The following TET2 variants were observed in gnomAD, a reference collection of about 807,000 sequenced individuals.
TET2 encodes tet methylcytosine dioxygenase 2.
TET2 carries 299 observed loss-of-function variants against 142.9 expected under a neutral mutation model. That is an observed-to-expected ratio of 2.09 (90% CI 1.90 to 2.30). TET2 has a LOEUF of 2.30. TET2 is among the 30% of genes most tolerant of loss of function. TET2 has a pLI of 0.00. For synonymous variants in TET2, 819 were observed against 849.0 expected (o/e 0.96, Z 0.61); for missense variants, 2,418 against 2,378.0 (o/e 1.02, Z -0.35).
chr4:105,152,929 T>C (rs1433442002), intron 1 of TET2, among the ~76,000 whole-genome samples: 1 of 152,096 alleles, frequency 6.6e-6, no homozygotes, highest in Non-Finnish European at 1.5e-5. Flanking sequence ...AGAAAAATAG[T>C]GTTAAGTGTC....
rs1204136165 is a variant in TET2 at position 105,275,897 on chromosome 4, G to C, written c.5387G>C (p.Gly1796Ala). 6.4e-7 allele frequency: 1 copy of C among 1,551,982 alleles called. No homozygotes were observed. The highest frequency in any genetic ancestry group is 1.2e-5 in the South Asian group (1 of 84,060). ...ENDMLSHTAN[G>A]LSKMLPALNH... Reference sequence around the variant, plus strand: ...GACATGCTTTCCCACACAGCTAATGGGTTATCAAAGATGCTTCCAGCTCTT... The same window carrying C: ...GACATGCTTTCCCACACAGCTAATGCGTTATCAAAGATGCTTCCAGCTCTT... Residue 1796 changes from glycine to alanine, a missense_variant, in exon 11 of 11, where the codon GGG (glycine) becomes GCG (alanine). Physicochemically the swap from Gly to Ala is moderately conservative, Grantham distance 60. Coordinates refer to ENST00000380013, the MANE Select transcript of TET2 (RefSeq NM_001127208.3).
At chr4:105,163,377 T>G (rs952853089) in intron 1 of TET2, among the ~76,000 whole-genome samples, 1 of 152,162 alleles carries the variant, frequency 6.6e-6, no homozygotes. Flanking sequence ...CATAGAATCA[T>G]GGATTGCTAC....
intron 6 of TET2, among the ~76,000 whole-genome samples, chr4:105,253,624 T>G (rs1377581400): frequency 1.3e-5 from 2 of 152,042 alleles, no homozygotes; most frequent in Non-Finnish European, 2.9e-5. Context: ...TTCTAATCTG[T>G]ATACCTTTTA....
chr4:105,253,996 G>C (rs1729999370), intron 6 of TET2, among the ~76,000 whole-genome samples: 1 of 152,066 alleles, frequency 6.6e-6, no homozygotes, highest in Non-Finnish European at 1.5e-5. Context: ...TTTTGAACTA[G>C]ACTGGCATAC....
At chr4:105,163,854 A>AGAGAGAGAGAGAGAGTGTGT (rs1553942671) in intron 1 of TET2, among the ~76,000 whole-genome samples, 49 of 85,216 alleles carry the variant, frequency 5.8e-4, no homozygotes, top group Non-Finnish European at 9.9e-4. Flanking sequence ...AGAGAGAGAG[A>AGAGAGAGAGAGAGAGTGTGT]GTGTGTGTGT....
At chr4:105,163,806 CGAGAGAGAGAGAGAGAGAGA>C (rs59658275) in intron 1 of TET2, among the ~76,000 whole-genome samples, 3,139 of 79,824 alleles carry the variant, frequency 0.039, 98 homozygotes, top group Middle Eastern at 0.12. Flanking sequence ...TCGAAAGTTT[CGAGAGAGAGAGAGAGAGAGA>C]GAGAGAGAGA....
intron 5 of TET2, 117 bp from the exon 6 acceptor site, chr4:105,243,453 T>C (rs1033962474): frequency 1.1e-6 from 1 of 931,062 alleles, no homozygotes; most frequent in Non-Finnish European, 1.7e-6. Context: ...GTTGCCCTAA[T>C]TGTGATCTAA....
chr4:105,212,287 G>T (rs1014144174), intron 2 of TET2, among the ~76,000 whole-genome samples: 7 of 152,154 alleles, frequency 4.6e-5, no homozygotes, highest in Admixed American at 6.6e-5. Flanking sequence ...GATCTATAAA[G>T]ATTACTCAGT....
chr4:105,234,686 C>A lies in TET2; in HGVS notation c.744C>A (p.His248Gln), dbSNP rs377035231. The change falls in exon 3 of 11, where the codon CAC becomes CAA. Residue 248 changes from histidine (H) to glutamine (Q), a missense_variant. Coordinates refer to ENST00000380013, the MANE Select transcript of TET2 (RefSeq NM_001127208.3). ...VSIAVQKTTS[H>Q]INAINSQATN... ...TTGCGGTGCAGAAAACCACATCTCA[C>A]ATAAATGCCATTAACAGTCAGGCTA... is the stretch of plus-strand genomic sequence containing the variant. 303 of 1,613,978 alleles carry A rather than the reference C, an allele frequency of 1.9e-4. No homozygotes were observed. Among genetic ancestry groups the A allele is most frequent in the Non-Finnish European group, 2.5e-4 (291 of 1,180,022 alleles).
At position 105,228,149 on chromosome 4, in the gene TET2, A is replaced by G. The variant is rs541979776; in HGVS notation, c.-46-5748A>G. ...TGGATCATAATATTCCAGGGTATGT[A>G]TATAAAAAGTGTGATTTAGCACATA... On this transcript the variant is annotated intron_variant, in intron 2 of 10. Coordinates refer to ENST00000380013, the MANE Select transcript of TET2 (RefSeq NM_001127208.3). Among the ~76,000 whole-genome samples the G allele has an allele frequency of 3.9e-5, 6 of 152,266 alleles. No homozygotes were observed. The South Asian group carries it at 1.0e-3, about 26-fold the overall frequency.
chr4:105,176,807 A>G (rs1029127724), intron 1 of TET2, among the ~76,000 whole-genome samples: 1 of 152,186 alleles, frequency 6.6e-6, no homozygotes, highest in African/African-American at 2.4e-5. Flanking sequence ...AGAATAGCCA[A>G]CTCAGTATTT....
At chr4:105,241,743 C>T in intron 4 of TET2, 1 of 1,253,512 alleles carries the variant, frequency 8.0e-7, no homozygotes, top group Non-Finnish European at 1.0e-6. Context: ...AACGAGAGGT[C>T]CCACTCTGGC....
chr4:105,275,785 C>T lies in TET2; in HGVS notation c.5275C>T (p.Pro1759Ser), dbSNP rs778153146. ...MDYKNGEHHS[P>S]SHIIHNYSAA... Reference sequence around the variant, plus strand: ...CTATAAAAATGGTGAACATCATTCACCTTCTCACATAATCCATAACTACAG... The same window carrying T: ...CTATAAAAATGGTGAACATCATTCATCTTCTCACATAATCCATAACTACAG... The change falls in exon 11 of 11, where the codon CCT becomes TCT. Residue 1759 changes from proline (P) to serine (S), a missense_variant. Coordinates refer to ENST00000380013, the MANE Select transcript of TET2 (RefSeq NM_001127208.3). The T allele has an allele frequency of 3.9e-6, 6 of 1,551,718 alleles. 1 individual carries two copies. In the South Asian group the frequency reaches 5.9e-5, roughly 15 times the overall value.
Position 105,236,570 on chromosome 4 carries a change from A to C in TET2, c.2628A>C (p.Gln876His). Residue 876 changes from glutamine (Q) to histidine (H), a missense_variant, in exon 3 of 11, where the codon CAA becomes CAC. Transcript: ENST00000380013. ...TTCCAAATAATGTGATCCCAAAGCA[A>C]GATCTTCTTCACAGGTGCTTTCAAG... ...QYFPNNVIPK[Q>H]DLLHRCFQEQ... 6.2e-7 allele frequency: 1 copy of C among 1,614,146 alleles called. No homozygotes were observed. Among genetic ancestry groups the C allele is most frequent in the Non-Finnish European group, 8.5e-7 (1 of 1,180,028 alleles).
chr4:105,232,965 G>T (rs985523270), intron 2 of TET2, among the ~76,000 whole-genome samples: 14 of 152,290 alleles, frequency 9.2e-5, no homozygotes, highest in African/African-American at 3.1e-4. Context: ...GCAAGTTTAA[G>T]CCAGTGTGTT....
chr4:105,242,875 T>C lies in TET2; in HGVS notation c.3542T>C (p.Ile1181Thr). ...KGKAIRIERV[I>T]YTGKEGKSSQ... Reference sequence around the variant, plus strand: ...AAAGCTATTAGGATTGAAAGAGTCATCTATACTGGTAAAGAAGGCAAAAGT... The same window carrying C: ...AAAGCTATTAGGATTGAAAGAGTCACCTATACTGGTAAAGAAGGCAAAAGT... Residue 1181 changes from isoleucine to threonine, a missense_variant, in exon 5 of 11, where the codon ATC becomes ACC. Coordinates refer to ENST00000380013, the MANE Select transcript of TET2 (RefSeq NM_001127208.3). The C allele has an allele frequency of 6.4e-7, 1 of 1,551,508 alleles. No individual in the cohort carries two copies. Among genetic ancestry groups the C allele is most frequent in the Non-Finnish European group, 8.7e-7 (1 of 1,146,912 alleles).
chr4:105,274,960 C>A (rs1311836498), intron 10 of TET2, 88 bp from the exon 11 acceptor site: 2 of 1,434,806 alleles, frequency 1.4e-6, no homozygotes, highest in Admixed American at 2.9e-5. Flanking sequence ...GAGTTTCTTA[C>A]CTACATTTAA....
At chr4:105,254,651 A>G (rs764736789) in intron 6 of TET2, among the ~76,000 whole-genome samples, 14 of 152,128 alleles carry the variant, frequency 9.2e-5, no homozygotes, top group South Asian at 2.1e-4. Flanking sequence ...GACTCAAGCA[A>G]TCTGCCTGCC....
intron 2 of TET2, among the ~76,000 whole-genome samples, chr4:105,211,289 T>G (rs1304421947): frequency 6.6e-6 from 1 of 152,232 alleles, no homozygotes; most frequent in Non-Finnish European, 1.5e-5. Flanking sequence ...CTCAGATTTA[T>G]TTCCCTCATA....
Sources: allele counts gnomAD v4.1 joint callset (sites outside exome capture counted in the v4.1 genomes callset), GRCh38; gene constraint gnomAD v4.1.1; transcripts MANE v1.5; gene names NCBI Gene and HGNC (gene_info 2026-07-23, HGNC 2026-07-21).